Variants in FBN1 observed in about 807,000 individuals in gnomAD.
FBN1 encodes fibrillin 1.
Under a neutral mutation model 365.1 loss-of-function variants are expected in FBN1, and 29 were observed. The observed-to-expected ratio is 0.08, with a 90% CI of 0.06 to 0.11. FBN1 has a LOEUF of 0.11. Ranked by LOEUF, FBN1 falls within the 10% of genes least tolerant of loss-of-function variation. The probability of loss-of-function intolerance (pLI) is 1.00; values close to 1 mark genes in which losing one functional copy is unlikely to be tolerated. For synonymous variants in FBN1, 1,210 were observed against 1,270.5 expected, an observed-to-expected ratio of 0.95 and a Z score of 1.01; for missense variants, 2,476 against 3,703.2, an observed-to-expected ratio of 0.67 and a Z score of 8.60.
chr15:48,562,837 T>C (rs2044233531), intron 6 of FBN1, among the ~76,000 whole-genome samples: 1 of 152,212 alleles, frequency 6.6e-6, no homozygotes. Flanking sequence ...GGGAAACATT[T>C]ATGTATTGTT....
intron 6 of FBN1, among the ~76,000 whole-genome samples, chr15:48,564,083 G>C (rs1191418392): frequency 6.6e-6 from 1 of 152,068 alleles, no homozygotes; most frequent in Non-Finnish European, 1.5e-5. Flanking sequence ...TGTTCCAGTG[G>C]GTGGTCTGGA....
chr15:48,461,598 C>T (rs567738531), intron 42 of FBN1, among the ~76,000 whole-genome samples: 3 of 152,246 alleles, frequency 2.0e-5, no homozygotes, highest in Admixed American at 2.0e-4. Flanking sequence ...CATATAAATG[C>T]ACACCAGGTG....
intron 5 of FBN1, 94 bp downstream of exon 5, chr15:48,600,045 G>T: frequency 1.1e-6 from 1 of 901,702 alleles, no homozygotes; most frequent in Non-Finnish European, 1.9e-6. Context: ...TGTGTCCCAG[G>T]TAATCGAAGA....
At chr15:48,473,349 A>G (rs1286158083) in intron 34 of FBN1, among the ~76,000 whole-genome samples, 1 of 152,234 alleles carries the variant, frequency 6.6e-6, no homozygotes, top group Non-Finnish European at 1.5e-5. Flanking sequence ...GGATAAATCA[A>G]TGTTTTAAGT....
At chr15:48,447,966 TAGAA>T (rs1388441495) in intron 46 of FBN1, among the ~76,000 whole-genome samples, 2 of 152,066 alleles carry the variant, frequency 1.3e-5, no homozygotes, top group Non-Finnish European at 2.9e-5. Flanking sequence ...ATGAGAGATG[TAGAA>T]AGAAAGTTGG....
At position 48,463,282 on chromosome 15, in the gene FBN1, C is replaced by T. The variant is rs755921727; in HGVS notation, c.5066-42G>A. 6.3e-6 allele frequency: 10 copies of T among 1,588,560 alleles called. No homozygotes were observed. In the African/African-American group the frequency reaches 9.4e-5, roughly 15 times the overall value. On this transcript the variant is annotated intron_variant, in intron 41 of 65. Transcript: ENST00000316623. ...AAAAAGGATTGGAGGGTTGGTGATG[C>T]CATGTGGGAAATCACAACAAATTTC...
At chr15:48,560,293 T>TGTTG (rs1167994602) in intron 6 of FBN1, among the ~76,000 whole-genome samples, 1 of 152,210 alleles carries the variant, frequency 6.6e-6, no homozygotes, top group Admixed American at 6.5e-5. Context: ...CCCTGGTTGG[T>TGTTG]GATGGGCTTT....
At chr15:48,640,756 G>A (rs1890184031) in intron 2 of FBN1, among the ~76,000 whole-genome samples, 2 of 152,186 alleles carry the variant, frequency 1.3e-5, no homozygotes, top group African/African-American at 2.4e-5. Flanking sequence ...TCTTCTCCAA[G>A]GTTTGGGAAA....
Position 48,408,662 on chromosome 15 carries a change from A to C in FBN1, c.*2328T>G, listed in dbSNP as rs2042837113. The C allele has an allele frequency of 6.5e-6, 1 of 152,676 alleles. No homozygotes were observed. The highest frequency in any genetic ancestry group is 1.5e-5 in the Non-Finnish European group (1 of 68,042). 9.5% of individuals were successfully genotyped at this position (152,676 alleles called of 1,614,324 possible). On this transcript the variant is annotated 3_prime_UTR_variant, in exon 66 of 66. Coordinates refer to ENST00000316623, the MANE Select transcript of FBN1 (RefSeq NM_000138.5). ...ACAGGTTTAAATCTCAGGATTAAAA[A>C]GAGTTCCAACAAGAGGAATATTTAC... is the stretch of plus-strand genomic sequence containing the variant.
rs757956942 is a variant in FBN1, at chr15:48,415,787, C to T, written c.7820-20G>A. ...TTTCATCTGCAGGCAAAATAAGAAGCGGCATGTGTGGCAGCAGCCAGAGAT... is the reference window on the plus strand; with the variant it reads ...TTTCATCTGCAGGCAAAATAAGAAGTGGCATGTGTGGCAGCAGCCAGAGAT... On this transcript the variant is annotated intron_variant, in intron 63 of 65. Transcript: ENST00000316623. 1.2e-5 allele frequency: 19 copies of T among 1,593,056 alleles called. No individual in the cohort carries two copies. The highest frequency in any genetic ancestry group is 1.7e-5 in the Admixed American group (1 of 59,988).
At chr15:48,534,028 G>A (rs570420844) in intron 8 of FBN1, 52 bp downstream of exon 8, 48 of 1,611,170 alleles carry the variant, frequency 3.0e-5, no homozygotes, top group East Asian at 8.9e-5. Context: ...CTAATGTTGA[G>A]TTTTGCCTGC....
chr15:48,547,563 A>G (rs549966678), intron 6 of FBN1, among the ~76,000 whole-genome samples: 96 of 152,356 alleles, frequency 6.3e-4, no homozygotes, highest in African/African-American at 2.2e-3. Context: ...AATGCCTTCT[A>G]TAAATATGAA....
At position 48,463,366 on chromosome 15, in the gene FBN1, A is replaced by C. The variant is rs551028059; in HGVS notation, c.5066-126T>G. On this transcript the variant is annotated intron_variant, in intron 41 of 65. Coordinates refer to ENST00000316623, the MANE Select transcript of FBN1 (RefSeq NM_000138.5). The stretch of plus-strand genomic sequence containing the variant: ...ATTGTATTGTAGCTTGACTTTGATA[A>C]GGACACAAAAAACTTGCTCTTACAC... 28 of 979,718 alleles carry C rather than the reference A, an allele frequency of 2.9e-5. No homozygotes were observed. In the East Asian group the frequency reaches 6.8e-4, roughly 24 times the overall value. The allele number at this position is 979,718 out of a possible 1,614,324, so 60.7% of individuals were successfully genotyped here.
At chr15:48,494,167 A>G in intron 23 of FBN1, 37 bp downstream of exon 23, 1 of 1,524,050 alleles carries the variant, frequency 6.6e-7, no homozygotes, top group Non-Finnish European at 9.1e-7. Context: ...TTCATTATGC[A>G]CACAAAAATG....
chr15:48,638,182 G>A (rs1471837424), intron 2 of FBN1, among the ~76,000 whole-genome samples: 2 of 151,980 alleles, frequency 1.3e-5, no homozygotes, highest in African/African-American at 4.8e-5. Context: ...TTACAGGAAT[G>A]AGCCACCATG....
At chr15:48,511,757 A>C (rs942227108) in intron 13 of FBN1, among the ~76,000 whole-genome samples, 2 of 152,236 alleles carry the variant, frequency 1.3e-5, no homozygotes, top group African/African-American at 4.8e-5. Flanking sequence ...TAAAGAAGGC[A>C]GTGCTTTAAG....
At chr15:48,518,214 C>A (rs1028193906) in intron 10 of FBN1, among the ~76,000 whole-genome samples, 3 of 152,198 alleles carry the variant, frequency 2.0e-5, no homozygotes, top group African/African-American at 7.2e-5. Flanking sequence ...GTGATTCTTC[C>A]TATAGATTTA....
At chr15:48,596,085 A>G (rs567456029) in intron 6 of FBN1, among the ~76,000 whole-genome samples, 198 bp downstream of exon 6, 1 of 152,322 alleles carries the variant, frequency 6.6e-6, no homozygotes, top group South Asian at 2.1e-4. Flanking sequence ...ACTTGGACTG[A>G]CAAACATTGC....
intron 6 of FBN1, among the ~76,000 whole-genome samples, chr15:48,557,282 T>C (rs1807537912): frequency 6.6e-6 from 1 of 152,104 alleles, no homozygotes; most frequent in Non-Finnish European, 1.5e-5. Context: ...GTGCAATGAT[T>C]TGCCCAAGGT....
Sources: allele counts gnomAD v4.1 joint callset (sites outside exome capture counted in the v4.1 genomes callset), GRCh38; gene constraint gnomAD v4.1.1; transcripts MANE v1.5; gene names NCBI Gene and HGNC (gene_info 2026-07-23, HGNC 2026-07-21).